The following TENM3 variants were observed in gnomAD, a reference collection of about 807,000 sequenced individuals.
The protein encoded by TENM3 is teneurin-3.
In TENM3, 63 loss-of-function variants were observed where a neutral mutation model predicts 255.1. The observed-to-expected ratio is 0.25, with a 90% confidence interval of 0.20 to 0.30. The LOEUF is 0.30. Among genes scored for constraint, TENM3 ranks in the 10% least tolerant of loss-of-function variants. The pLI is 1.00. For synonymous variants in TENM3, 1,306 were observed against 1,322.3 expected, an observed-to-expected ratio of 0.99 and a Z score of 0.27; for missense variants, 2,929 against 3,461.1, an observed-to-expected ratio of 0.85 and a Z score of 3.86.
At chr4:182,390,124 G>C (rs543173196) in intron 3 of TENM3, among the ~76,000 whole-genome samples, 18 of 152,302 alleles carry the variant, frequency 1.2e-4, no homozygotes, top group African/African-American at 4.3e-4. Context: ...ACAGGCTGCA[G>C]GAAGGGGATC....
the TENM3 span, among the ~76,000 whole-genome samples, chr4:181,619,675 C>T: frequency 6.6e-6 from 1 of 151,976 alleles, no homozygotes; most frequent in Non-Finnish European, 1.5e-5. Flanking sequence ...GCAATCCTCT[C>T]GCCTCAGCCT....
At chr4:182,734,358 C>A (rs916579770) in intron 16 of TENM3, among the ~76,000 whole-genome samples, 2 of 152,136 alleles carry the variant, frequency 1.3e-5, no homozygotes, top group African/African-American at 4.8e-5. Context: ...TAGTGGAGAC[C>A]TTGAATTCCT....
At chr4:181,990,747 G>A in the TENM3 span, among the ~76,000 whole-genome samples, 2 of 152,082 alleles carry the variant, frequency 1.3e-5, no homozygotes, top group African/African-American at 2.4e-5. Context: ...CACAACTAAA[G>A]GAGCCTGAAA....
At chr4:181,851,023 T>C in the TENM3 span, among the ~76,000 whole-genome samples, 153 of 58,602 alleles carry the variant, frequency 2.6e-3, 1 homozygote, top group Middle Eastern at 7.7e-3. Flanking sequence ...AAGGATGAAT[T>C]GCATTTTCAG....
the TENM3 span, among the ~76,000 whole-genome samples, chr4:181,605,560 AAGAAAGAAAGAG>A: frequency 2.3e-3 from 62 of 26,744 alleles, 4 homozygotes; most frequent in South Asian, 5.2e-3. Context: ...GAAAGAAAGA[AAGAAAGAAAGAG>A]AGAGAAAGAA....
chr4:181,787,399 C>T, the TENM3 span, among the ~76,000 whole-genome samples: 1 of 149,888 alleles, frequency 6.7e-6, no homozygotes, highest in Non-Finnish European at 1.5e-5. Flanking sequence ...AGGGCAATGG[C>T]GCCATCTCAG....
chr4:181,547,668 T>A, the TENM3 span, among the ~76,000 whole-genome samples: 1 of 152,158 alleles, frequency 6.6e-6, no homozygotes, highest in Non-Finnish European at 1.5e-5. Context: ...TTTTCCCACT[T>A]AGTACACTGG....
intron 3 of TENM3, among the ~76,000 whole-genome samples, chr4:182,404,821 A>G (rs1769449005): frequency 6.6e-6 from 1 of 152,160 alleles, no homozygotes; most frequent in African/African-American, 2.4e-5. Flanking sequence ...CTCCTCATCA[A>G]AGGAGCTTGA....
At chr4:182,584,929 A>AC (rs1745865928) in intron 3 of TENM3, among the ~76,000 whole-genome samples, 1 of 152,206 alleles carries the variant, frequency 6.6e-6, no homozygotes, top group Non-Finnish European at 1.5e-5. Context: ...GGCGTGAGCC[A>AC]CCGTGCCCAG....
the TENM3 span, among the ~76,000 whole-genome samples, chr4:181,532,088 T>C: frequency 2.0e-5 from 3 of 152,112 alleles, no homozygotes; most frequent in Non-Finnish European, 4.4e-5. Flanking sequence ...AAATGTGTTA[T>C]AATAGAAGTA....
At chr4:181,887,449 A>G in the TENM3 span, among the ~76,000 whole-genome samples, 9 of 152,234 alleles carry the variant, frequency 5.9e-5, no homozygotes, top group Non-Finnish European at 1.3e-4. Flanking sequence ...GTAGGTGGCT[A>G]CAGGAGTATT....
At chr4:182,419,611 G>T (rs1356046386) in intron 3 of TENM3, among the ~76,000 whole-genome samples, 1 of 152,078 alleles carries the variant, frequency 6.6e-6, no homozygotes, top group Non-Finnish European at 1.5e-5. Flanking sequence ...CAAAGACTTG[G>T]AACCAACCCA....
intron 1 of TENM3, among the ~76,000 whole-genome samples, chr4:182,273,201 A>G (rs1759759395): frequency 6.6e-6 from 1 of 152,238 alleles, no homozygotes. Flanking sequence ...ATGCCCTCTC[A>G]GTCGATCCCC....
the TENM3 span, among the ~76,000 whole-genome samples, chr4:181,805,825 T>C: frequency 1.3e-5 from 2 of 152,156 alleles, no homozygotes; most frequent in African/African-American, 4.8e-5. Flanking sequence ...TTTCTCTAAT[T>C]TGTATTGATG....
chr4:182,119,528 T>C, the TENM3 span, among the ~76,000 whole-genome samples: 1 of 152,100 alleles, frequency 6.6e-6, no homozygotes, highest in Non-Finnish European at 1.5e-5. Flanking sequence ...TGATTCTATG[T>C]ACCTGCCCAT....
chr4:181,770,308 G>GA, the TENM3 span, among the ~76,000 whole-genome samples: 1 of 152,150 alleles, frequency 6.6e-6, no homozygotes, highest in Admixed American at 6.5e-5. Context: ...CATTACGATT[G>GA]AAAAAATTAT....
At chr4:181,612,199 G>A in the TENM3 span, among the ~76,000 whole-genome samples, 17 of 152,064 alleles carry the variant, frequency 1.1e-4, no homozygotes, top group South Asian at 4.2e-4. Flanking sequence ...GGGTCCCCTC[G>A]CCCAACACAC....
At chr4:181,676,482 G>A in the TENM3 span, among the ~76,000 whole-genome samples, 1 of 152,020 alleles carries the variant, frequency 6.6e-6, no homozygotes, top group Non-Finnish European at 1.5e-5. Context: ...CCCAGGTAGT[G>A]GGTATAGTAC....
intron 22 of TENM3, 121 bp from the exon 23 acceptor site, chr4:182,773,351 C>T: frequency 1.2e-6 from 1 of 865,932 alleles, no homozygotes; most frequent in Non-Finnish European, 1.8e-6. Flanking sequence ...CTGCATCGCT[C>T]ATCCACGAAG....
Sources: allele counts gnomAD v4.1 joint callset (sites outside exome capture counted in the v4.1 genomes callset), GRCh38; gene constraint gnomAD v4.1.1; transcripts MANE v1.5; gene names NCBI Gene and HGNC (gene_info 2026-07-23, HGNC 2026-07-21).